EGFL6: variants seen among roughly 807,000 people sequenced by gnomAD.
EGFL6 encodes EGF like domain multiple 6, also known as epidermal growth factor-like protein 6.
In EGFL6, 42 loss-of-function variants were observed where a neutral mutation model predicts 43.1. That is an observed-to-expected ratio of 0.98 (90% CI 0.76 to 1.26). EGFL6 has a LOEUF of 1.26. Ranked by LOEUF, EGFL6 falls within the 50% of genes most tolerant of loss-of-function variation. EGFL6 has a pLI of 0.00. For missense variants in EGFL6, 429 were observed against 427.8 expected (o/e 1.00, Z -0.02); for synonymous variants, 164 against 163.2 (o/e 1.01, Z -0.04).
intron 5 of EGFL6, among the ~76,000 whole-genome samples, chrX:13,605,792 G>A (rs2045657096): frequency 8.9e-6 from 1 of 111,821 alleles, no homozygotes; most frequent in Non-Finnish European, 1.9e-5. Context: ...ACCTATTGTT[G>A]GCTAAAATTA....
intron 11 of EGFL6, among the ~76,000 whole-genome samples, chrX:13,630,290 G>C (rs2045803554): frequency 9.0e-6 from 1 of 111,596 alleles, no homozygotes; most frequent in South Asian, 3.7e-4. Context: ...CCTAATTTTG[G>C]GGGGGATAGA....
chrX:13,626,686 AG>A (rs2045782245), intron 10 of EGFL6, among the ~76,000 whole-genome samples: 1 of 112,331 alleles, frequency 8.9e-6, no homozygotes, highest in Non-Finnish European at 1.9e-5. Context: ...ATGGAACACA[AG>A]TTCTCCATCA....
intron 1 of EGFL6, among the ~76,000 whole-genome samples, chrX:13,580,520 C>T (rs2045499892): frequency 9.0e-6 from 1 of 111,597 alleles, no homozygotes; most frequent in Non-Finnish European, 1.9e-5. Flanking sequence ...TCATTGCTGA[C>T]AGGTGGGGTT....
At chrX:13,590,368 C>A (rs1047628037) in intron 2 of EGFL6, 1 of 111,923 alleles carries the variant, frequency 8.9e-6, no homozygotes, top group African/African-American at 3.3e-5. Flanking sequence ...TAACGACCAA[C>A]ACTGGCAGTG....
chrX:13,619,115 T>A, intron 8 of EGFL6, 48 bp from the exon 9 acceptor site: 1 of 1,009,052 alleles, frequency 9.9e-7, no homozygotes, highest in Non-Finnish European at 1.4e-6. Context: ...CTTCTGAGCA[T>A]GTGGGCTTTA....
chrX:13,571,876 A>G (rs886249498), intron 1 of EGFL6, among the ~76,000 whole-genome samples: 1 of 112,076 alleles, frequency 8.9e-6, no homozygotes, highest in African/African-American at 3.2e-5. Flanking sequence ...AAGGCAAGGC[A>G]CCCATTGCAG....
At chrX:13,573,919 C>T (rs908464646) in intron 1 of EGFL6, among the ~76,000 whole-genome samples, 1 of 112,422 alleles carries the variant, frequency 8.9e-6, no homozygotes, top group Non-Finnish European at 1.9e-5. Context: ...ATTCAAGGGA[C>T]ATATGTAGAG....
At position 13,618,009 on chromosome X, in the gene EGFL6, T is replaced by G. The variant is rs1375148586; in HGVS notation, c.1058T>G (p.Leu353Arg). Residue 353 changes from leucine (L) to arginine (R), a missense_variant, in exon 8 of 12, where the codon CTG becomes CGG. Physicochemically the swap from Leu to Arg is moderately radical, Grantham distance 102. Transcript: ENST00000361306. ...GATGAGAAAAGAGAAGAGAAAGCCCTGAAGAATGACATAGAGGAGCGAAGC... is the reference window on the plus strand; with the variant it reads ...GATGAGAAAAGAGAAGAGAAAGCCCGGAAGAATGACATAGAGGAGCGAAGC... ...LEDEKREEKA[L>R]KNDIEERSLR... 3 of 1,210,610 alleles carry G rather than the reference T, an allele frequency of 2.5e-6. No homozygotes were observed. The highest frequency in any genetic ancestry group is 5.9e-5 in the East Asian group (2 of 33,855).
Position 13,589,552 on chromosome X carries a change from G to A in EGFL6, c.75-4G>A, listed in dbSNP as rs769268621. 3 of 1,201,016 alleles carry A rather than the reference G, an allele frequency of 2.5e-6. No homozygotes were observed. The East Asian group carries it at 8.9e-5, about 36-fold the overall frequency. On this transcript the variant is annotated splice_polypyrimidine_tract_variant and splice_region_variant and intron_variant, in intron 1 of 11. Coordinates refer to ENST00000361306, the MANE Select transcript of EGFL6 (RefSeq NM_015507.4). ...AATACTAACATGTAGTTCTTTATCT[G>A]CAGTGCAAGGCATCACGGGTTGTTA...
At chrX:13,592,900 ATCAGGCTAGGTTCTT>A (rs1166997622) in intron 2 of EGFL6, among the ~76,000 whole-genome samples, 1 of 96,484 alleles carries the variant, frequency 1.0e-5, no homozygotes, top group Non-Finnish European at 2.1e-5. Context: ...GGGAGGCCAG[ATCAGGCTAGGTTCTT>A]TCTTTTTTTT....
chrX:13,617,409 A>G (rs1044750366), intron 7 of EGFL6, among the ~76,000 whole-genome samples: 11 of 112,492 alleles, frequency 9.8e-5, no homozygotes, highest in Non-Finnish European at 1.9e-4. Context: ...CCACAATGAA[A>G]GCAGAAATAT....
intron 4 of EGFL6, among the ~76,000 whole-genome samples, chrX:13,600,944 C>T (rs1410838342): frequency 9.1e-6 from 1 of 110,169 alleles, no homozygotes; most frequent in Non-Finnish European, 1.9e-5. Context: ...CAAAAGGAAA[C>T]CAGACCCAGT....
chrX:13,629,602 A>G (rs182912481), intron 11 of EGFL6, among the ~76,000 whole-genome samples: 10 of 111,964 alleles, frequency 8.9e-5, no homozygotes, highest in African/African-American at 3.2e-4. Context: ...TGACTAATCC[A>G]GTCTAAAGAA....
In EGFL6 at chrX:13,571,669, G is replaced by A. The variant is rs137883493; in HGVS notation, c.74+1734G>A. On this transcript the variant is annotated intron_variant, in intron 1 of 11. Coordinates refer to ENST00000361306, the MANE Select transcript of EGFL6 (RefSeq NM_015507.4). The stretch of plus-strand genomic sequence containing the variant: ...AAGCATATTAAACTGGAGAATCCAT[G>A]TCAGGATTCTGCAATTCTGCAGTTT... Among the ~76,000 whole-genome samples the A allele has an allele frequency of 3.1e-3, 351 of 112,179 alleles. 2 individuals carry two copies. Among genetic ancestry groups the A allele is most frequent in the African/African-American group, 0.011 (335 of 30,899 alleles).
intron 1 of EGFL6, among the ~76,000 whole-genome samples, chrX:13,586,999 A>G (rs779816904): frequency 8.9e-6 from 1 of 112,439 alleles, no homozygotes; most frequent in Non-Finnish European, 1.9e-5. Context: ...GTGGGATTCC[A>G]TTTATATGAA....
chrX:13,595,694 C>T (rs942934640), intron 3 of EGFL6, among the ~76,000 whole-genome samples: 1 of 109,931 alleles, frequency 9.1e-6, no homozygotes, highest in African/African-American at 3.3e-5. Context: ...GGTTGAACAA[C>T]GTGCATATTT....
chrX:13,569,628 A>C lies in EGFL6; in HGVS notation c.-234A>C. On this transcript the variant is annotated 5_prime_UTR_variant, in exon 1 of 12. Transcript: ENST00000361306. ...TCACCCCGTCCAGCTTCATCCGCAG[A>C]GGAGCCTCGGCCAGGCTTGCCAGGG... 1 of 360,611 alleles carries C rather than the reference A, an allele frequency of 2.8e-6. No homozygotes were observed. Among genetic ancestry groups the C allele is most frequent in the Non-Finnish European group, 4.9e-6 (1 of 204,874 alleles). 29.7% of individuals were successfully genotyped at this position (360,611 alleles called of 1,213,427 possible).
At chrX:13,613,157 C>CATATAA (rs2045701322) in intron 7 of EGFL6, among the ~76,000 whole-genome samples, 1 of 89,415 alleles carries the variant, frequency 1.1e-5, no homozygotes, top group African/African-American at 4.6e-5. Flanking sequence ...TAAATATATA[C>CATATAA]ATATATATAT....
At chrX:13,596,144 G>A (rs2045596261) in intron 3 of EGFL6, 1 of 112,183 alleles carries the variant, frequency 8.9e-6, no homozygotes, top group Non-Finnish European at 1.9e-5. Flanking sequence ...AGGAAGCGTT[G>A]CCAGATAAAA....
Sources: gnomAD v4.1 joint callset for allele counts (sites outside exome capture counted in the v4.1 genomes callset) on GRCh38, gnomAD v4.1.1 for gene constraint, MANE v1.5 for transcripts, NCBI Gene and HGNC (gene_info 2026-07-23, HGNC 2026-07-21) for gene names.